CLDN16: variants seen among roughly 807,000 people sequenced by gnomAD.
The protein encoded by CLDN16 is claudin 16, also known as claudin-16.
In CLDN16, 13 loss-of-function variants were observed where a neutral mutation model predicts 24.6. The ratio of observed to expected loss-of-function variants is 0.53; its 90% CI spans 0.34 to 0.84. The LOEUF (loss-of-function observed/expected upper bound fraction) is 0.84, where lower values mean the gene tolerates loss of function less well. Among genes scored for constraint, CLDN16 ranks in the 40% least tolerant of loss-of-function variants. The pLI is 0.01. For missense variants in CLDN16, 298 were observed against 292.7 expected (o/e 1.02, Z -0.13); for synonymous variants, 116 against 106.7 (o/e 1.09, Z -0.54).
At chr3:190,380,442 GGGATGGTTA>G (rs1718345921) in intron 3 of CLDN16, among the ~76,000 whole-genome samples, 1 of 151,990 alleles carries the variant, frequency 6.6e-6, no homozygotes, top group Non-Finnish European at 1.5e-5. Context: ...TTATTCCTGA[GGGATGGTTA>G]GGATTATGAT....
chr3:190,397,002 C>T (rs1718837276), intron 1 of CLDN16, among the ~76,000 whole-genome samples: 1 of 152,144 alleles, frequency 6.6e-6, no homozygotes, highest in Non-Finnish European at 1.5e-5. Context: ...GCCTGAGCTC[C>T]ACCTAAATGG....
chr3:190,320,503 G>C (rs577825971), upstream of CLDN16, among the ~76,000 whole-genome samples: 2 of 152,172 alleles, frequency 1.3e-5, no homozygotes, highest in Non-Finnish European at 2.9e-5. Flanking sequence ...CTAAACTTAT[G>C]GATTGGTTTT....
chr3:190,397,047 G>C (rs1718838558), intron 1 of CLDN16, among the ~76,000 whole-genome samples: 1 of 152,130 alleles, frequency 6.6e-6, no homozygotes, highest in South Asian at 2.1e-4. Flanking sequence ...TTGTTGCTTT[G>C]TGAGACTGGT....
chr3:190,401,568 C>T (rs977775756), intron 1 of CLDN16, among the ~76,000 whole-genome samples: 13 of 152,094 alleles, frequency 8.5e-5, no homozygotes, highest in Non-Finnish European at 1.3e-4. Flanking sequence ...TTGTGACTTA[C>T]GGTTTGTAGA....
intron 3 of CLDN16, among the ~76,000 whole-genome samples, chr3:190,381,080 C>A (rs1193529068): frequency 6.6e-6 from 1 of 152,014 alleles, no homozygotes; most frequent in African/African-American, 2.4e-5. Context: ...ATACAAATGA[C>A]AAATAAACTA....
chr3:190,292,525 G>C, the CLDN16 span, among the ~76,000 whole-genome samples: 3 of 152,266 alleles, frequency 2.0e-5, no homozygotes, highest in African/African-American at 7.2e-5. Flanking sequence ...CATTGTCTTG[G>C]CTATTAATGT....
intron 1 of CLDN16, among the ~76,000 whole-genome samples, chr3:190,336,428 G>C (rs1299849950): frequency 6.6e-6 from 1 of 152,176 alleles, no homozygotes; most frequent in Non-Finnish European, 1.5e-5. Context: ...CCAAGGTAAA[G>C]GGCAAAGTTA....
the CLDN16 span, among the ~76,000 whole-genome samples, chr3:190,313,820 A>T: frequency 6.6e-6 from 1 of 152,144 alleles, no homozygotes; most frequent in Non-Finnish European, 1.5e-5. Flanking sequence ...TTTTTGGTGT[A>T]CTAACTCATG....
intron 1 of CLDN16, among the ~76,000 whole-genome samples, chr3:190,342,261 A>G (rs1348726177): frequency 6.6e-6 from 1 of 151,918 alleles, no homozygotes; most frequent in Non-Finnish European, 1.5e-5. Flanking sequence ...TGGGCAATTT[A>G]CAAAAGAAAG....
At chr3:190,309,371 T>C in the CLDN16 span, among the ~76,000 whole-genome samples, 2 of 152,226 alleles carry the variant, frequency 1.3e-5, no homozygotes, top group Non-Finnish European at 2.9e-5. Context: ...ACCATTGCAG[T>C]ATGTGTTCTC....
At chr3:190,303,286 T>A in the CLDN16 span, among the ~76,000 whole-genome samples, 1 of 152,174 alleles carries the variant, frequency 6.6e-6, no homozygotes, top group Non-Finnish European at 1.5e-5. Flanking sequence ...TGTTGGATTT[T>A]TTAAATAGAG....
upstream of CLDN16, chr3:190,322,063 C>G (rs1470524094): frequency 6.2e-7 from 1 of 1,614,080 alleles, no homozygotes; most frequent in Non-Finnish European, 8.5e-7. Context: ...TCCACAGCCC[C>G]TCGTACATGG....
chr3:190,333,718 A>G (rs1717235881), intron 1 of CLDN16, among the ~76,000 whole-genome samples: 1 of 152,174 alleles, frequency 6.6e-6, no homozygotes, highest in African/African-American at 2.4e-5. Flanking sequence ...ATGAAAAAGA[A>G]AAGTATGCTG....
intron 3 of CLDN16, among the ~76,000 whole-genome samples, chr3:190,375,462 A>G (rs1182107926): frequency 6.6e-6 from 1 of 151,960 alleles, no homozygotes; most frequent in African/African-American, 2.4e-5. Flanking sequence ...TACCTCATAC[A>G]TGACTATGGG....
intron 1 of CLDN16, among the ~76,000 whole-genome samples, chr3:190,354,129 C>T (rs1717720784): frequency 6.6e-6 from 1 of 151,992 alleles, no homozygotes; most frequent in Non-Finnish European, 1.5e-5. Context: ...GAATCTCTCT[C>T]TCTCTCTCTT....
chr3:190,311,598 G>C, the CLDN16 span, among the ~76,000 whole-genome samples: 6 of 150,956 alleles, frequency 4.0e-5, no homozygotes, highest in Non-Finnish European at 7.4e-5. Context: ...AATTATATCT[G>C]TTATTTTTTT....
chr3:190,337,427 G>A (rs1461371138), intron 1 of CLDN16, among the ~76,000 whole-genome samples: 2 of 152,192 alleles, frequency 1.3e-5, no homozygotes, highest in African/African-American at 2.4e-5. Context: ...CAAGTGTGGA[G>A]AATGGCCCAA....
At chr3:190,315,931 A>T in the CLDN16 span, among the ~76,000 whole-genome samples, 2 of 152,156 alleles carry the variant, frequency 1.3e-5, no homozygotes, top group African/African-American at 2.4e-5. Context: ...CAGGGCCCTT[A>T]CTGCACCCAC....
In CLDN16 at chr3:190,371,674, C is replaced by A. The variant is rs576659445; in HGVS notation, n.230+673C>A. ...GTCTATTTATTCACTGATATAATCC[C>A]AGGCTGGAGGAAAGCCTTGAATTAG... On this transcript the variant is annotated intron_variant and non_coding_transcript_variant, in intron 2 of 4. Coordinates refer to the CLDN16 transcript ENST00000468220. 2.2e-3 allele frequency among the ~76,000 whole-genome samples: 333 copies of A among 152,032 alleles called. 2 individuals carry two copies. The highest frequency in any genetic ancestry group is 7.6e-3 in the African/African-American group (316 of 41,510).
Sources: gnomAD v4.1 joint callset for allele counts (sites outside exome capture counted in the v4.1 genomes callset) on GRCh38, gnomAD v4.1.1 for gene constraint, MANE v1.5 for transcripts, NCBI Gene and HGNC (gene_info 2026-07-23, HGNC 2026-07-21) for gene names.